MECOM: variants seen among roughly 807,000 people sequenced by gnomAD.
MECOM encodes MDS1 and EVI1 complex locus, also known as histone-lysine N-methyltransferase MECOM.
MECOM carries 13 observed loss-of-function variants against 116.3 expected under a neutral mutation model. The ratio of observed to expected loss-of-function variants is 0.11; its 90% confidence interval spans 0.07 to 0.18. The LOEUF is 0.18. MECOM is among the 10% of genes least tolerant of loss of function. The pLI is 1.00. For missense variants in MECOM, 1,299 were observed against 1,509.0 expected (o/e 0.86, Z 2.31); for synonymous variants, 528 against 535.2 (o/e 0.99, Z 0.19).
intron 2 of MECOM, among the ~76,000 whole-genome samples, chr3:169,283,501 C>A (rs970654286): frequency 6.6e-6 from 1 of 151,850 alleles, no homozygotes; most frequent in Admixed American, 6.6e-5. Context: ...ATTATTTAAA[C>A]AATAATAAGA....
rs551337459 is a variant in MECOM, at chr3:169,543,936, A to C, written c.37+119400T>G. Among the ~76,000 whole-genome samples the C allele has an allele frequency of 4.6e-5, 7 of 152,270 alleles. No individual in the cohort carries two copies. The East Asian group carries it at 1.4e-3, about 29-fold the overall frequency. On this transcript the variant is annotated intron_variant, in intron 1 of 16. Transcript: ENST00000651503. Reference sequence around the variant, plus strand: ...AGTCTCACTCTGTGACCCAGGCTGGAATGCAGTGGCACAATCTTGGCTCAC... The same window carrying C: ...AGTCTCACTCTGTGACCCAGGCTGGCATGCAGTGGCACAATCTTGGCTCAC...
At chr3:169,146,826 A>C in intron 2 of MECOM, 1 of 1,087,932 alleles carries the variant, frequency 9.2e-7, no homozygotes, top group East Asian at 6.7e-5. Flanking sequence ...CTGCACGAAA[A>C]TCCTTTCAAA....
At chr3:169,560,509 C>T (rs1762522615) in intron 1 of MECOM, among the ~76,000 whole-genome samples, 1 of 152,082 alleles carries the variant, frequency 6.6e-6, no homozygotes, top group African/African-American at 2.4e-5. Context: ...CATAACCTGA[C>T]TTCTGTGAAC....
chr3:169,146,921 C>G (rs956845649), intron 2 of MECOM: 10 of 1,026,036 alleles, frequency 9.7e-6, no homozygotes, highest in Admixed American at 5.1e-5. Context: ...AAATGGGTCT[C>G]TGACAACTTT....
At chr3:169,119,544 T>C (rs1730294464) in intron 7 of MECOM, among the ~76,000 whole-genome samples, 1 of 152,228 alleles carries the variant, frequency 6.6e-6, no homozygotes, top group Non-Finnish European at 1.5e-5. Flanking sequence ...AGTCTATATT[T>C]TCTGACTTTT....
At chr3:169,099,457 A>G (rs1270970617) in intron 12 of MECOM, among the ~76,000 whole-genome samples, 1 of 152,176 alleles carries the variant, frequency 6.6e-6, no homozygotes, top group Non-Finnish European at 1.5e-5. Flanking sequence ...TCTATCATGT[A>G]TAAATTGGAA....
chr3:169,102,113 G>C lies in MECOM; in HGVS notation c.2718C>G (p.Pro906=). Residue 906 remains proline, a synonymous_variant, in exon 11 of 17, where the codon CCC becomes CCG. Transcript: ENST00000651503. ...VPSMFNFRAP[P]NALPENLLRK... Reference sequence around the variant, plus strand: ...GCAGAAGGTTCTCTGGCAGGGCATTGGGAGGCGCCCTGAAGTTGAACATAG... The same window carrying C: ...GCAGAAGGTTCTCTGGCAGGGCATTCGGAGGCGCCCTGAAGTTGAACATAG... 1 of 1,613,850 alleles carries C rather than the reference G, an allele frequency of 6.2e-7. No homozygotes were observed.
chr3:169,144,502 C>T (rs1379355619), intron 2 of MECOM, among the ~76,000 whole-genome samples: 3 of 152,038 alleles, frequency 2.0e-5, no homozygotes, highest in Admixed American at 6.5e-5. Flanking sequence ...TCCTTGTGAA[C>T]AAATAAAAAA....
chr3:169,404,469 C>T (rs890404116), intron 1 of MECOM, among the ~76,000 whole-genome samples: 2 of 152,182 alleles, frequency 1.3e-5, no homozygotes, highest in Non-Finnish European at 2.9e-5. Context: ...TAGAAATAAA[C>T]TCCAAACAAA....
chr3:169,415,947 T>C (rs1009146101), intron 1 of MECOM, among the ~76,000 whole-genome samples: 1 of 152,096 alleles, frequency 6.6e-6, no homozygotes, highest in Non-Finnish European at 1.5e-5. Flanking sequence ...TACCCCACCA[T>C]CAATATTAGA....
chr3:169,162,315 A>G (rs1453603670), intron 2 of MECOM, among the ~76,000 whole-genome samples: 1 of 152,146 alleles, frequency 6.6e-6, no homozygotes, highest in African/African-American at 2.4e-5. Flanking sequence ...ATATTAAACC[A>G]TTGTCCCTGC....
chr3:169,479,335 G>A (rs894329956), intron 1 of MECOM, among the ~76,000 whole-genome samples: 35 of 151,552 alleles, frequency 2.3e-4, no homozygotes, highest in African/African-American at 6.5e-4. Context: ...AAAGGGAGGC[G>A]TCTAGGAACA....
intron 1 of MECOM, among the ~76,000 whole-genome samples, chr3:169,534,427 C>T (rs944192893): frequency 1.4e-4 from 21 of 152,174 alleles, no homozygotes; most frequent in African/African-American, 3.6e-4. Flanking sequence ...TTCCTGTTTA[C>T]GCTTAGTATC....
chr3:169,125,763 C>T lies in MECOM; in HGVS notation c.830+2081G>A, dbSNP rs536430963. On this transcript the variant is annotated intron_variant, in intron 5 of 16. Coordinates refer to ENST00000651503, the MANE Select transcript of MECOM (RefSeq NM_004991.4). Reference sequence around the variant, plus strand: ...TTATCTCAATCTATAGAGCCTTGATCAGACTTTTGAGTTCTTTTCAGTTCT... The same window carrying T: ...TTATCTCAATCTATAGAGCCTTGATTAGACTTTTGAGTTCTTTTCAGTTCT... 5.9e-5 allele frequency among the ~76,000 whole-genome samples: 9 copies of T among 152,230 alleles called. No individual in the cohort carries two copies. In the East Asian group the frequency reaches 1.7e-3, roughly 29 times the overall value.
intron 2 of MECOM, among the ~76,000 whole-genome samples, chr3:169,279,306 T>A (rs1759992983): frequency 6.6e-6 from 1 of 152,204 alleles, no homozygotes; most frequent in Admixed American, 6.5e-5. Context: ...AATGTCTTGT[T>A]CACTGTCTGG....
At chr3:169,363,143 A>G (rs1728584609) in intron 2 of MECOM, among the ~76,000 whole-genome samples, 1 of 151,974 alleles carries the variant, frequency 6.6e-6, no homozygotes, top group Non-Finnish European at 1.5e-5. Context: ...AGACTCTATT[A>G]GCCATTTTTT....
intron 4 of MECOM, among the ~76,000 whole-genome samples, chr3:169,131,052 G>C (rs1273715695): frequency 6.6e-6 from 1 of 152,062 alleles, no homozygotes; most frequent in Non-Finnish European, 1.5e-5. Context: ...CCCAGTAATA[G>C]AACATTAGAT....
chr3:169,170,184 G>C (rs983355569), intron 2 of MECOM, among the ~76,000 whole-genome samples: 2 of 151,920 alleles, frequency 1.3e-5, no homozygotes, highest in African/African-American at 4.8e-5. Flanking sequence ...AGGCCAAGGC[G>C]GGTGGATCAC....
rs547658486 is a variant in MECOM, at chr3:169,636,431, T to A, written c.37+26905A>T. Among the ~76,000 whole-genome samples, 5 of 152,244 alleles carry A rather than the reference T, an allele frequency of 3.3e-5. No individual in the cohort carries two copies. The East Asian group carries it at 9.7e-4, about 29-fold the overall frequency. On this transcript the variant is annotated intron_variant, in intron 1 of 16. Transcript: ENST00000651503. Reference sequence around the variant, plus strand: ...ATGTCTGGATATATTTTTCATGTAATAGAAAAAAGAAATAGGAGACTGATG... The same window carrying A: ...ATGTCTGGATATATTTTTCATGTAAAAGAAAAAAGAAATAGGAGACTGATG...
Sources: allele counts gnomAD v4.1 joint callset (sites outside exome capture counted in the v4.1 genomes callset), GRCh38; gene constraint gnomAD v4.1.1; transcripts MANE v1.5; gene names NCBI Gene and HGNC (gene_info 2026-07-23, HGNC 2026-07-21).